Variants in ADAMTS16 observed in about 807,000 individuals in gnomAD.
ADAMTS16 encodes ADAM metallopeptidase with thrombospondin type 1 motif 16, also known as A disintegrin and metalloproteinase with thrombospondin motifs 16.
ADAMTS16 carries 94 observed loss-of-function variants against 145.8 expected under a neutral mutation model. The observed-to-expected ratio is 0.64, with a 90% CI of 0.55 to 0.77. The LOEUF (loss-of-function observed/expected upper bound fraction) is 0.77. Ranked by LOEUF, ADAMTS16 falls within the 30% of genes least tolerant of loss-of-function variation. ADAMTS16 has a pLI of 0.00. For missense variants in ADAMTS16, 1,585 were observed against 1,591.5 expected, an observed-to-expected ratio of 1.00 and a Z score of 0.07; for synonymous variants, 659 against 604.3, an observed-to-expected ratio of 1.09 and a Z score of -1.33.
At chr5:5,166,914 G>A (rs1271645443) in intron 3 of ADAMTS16, among the ~76,000 whole-genome samples, 1 of 152,136 alleles carries the variant, frequency 6.6e-6, no homozygotes, top group Non-Finnish European at 1.5e-5. Context: ...CTGGGCCCAC[G>A]GCCTTCCCTC....
At chr5:5,188,090 A>G (rs1382483211) in intron 6 of ADAMTS16, among the ~76,000 whole-genome samples, 1 of 152,174 alleles carries the variant, frequency 6.6e-6, no homozygotes, top group African/African-American at 2.4e-5. Context: ...GGTGGGACAC[A>G]CACTAGGAAT....
At chr5:5,299,514 ATT>A (rs11290403) in intron 18 of ADAMTS16, among the ~76,000 whole-genome samples, 29,529 of 151,794 alleles carry the variant, frequency 0.19, 3,062 homozygotes, top group South Asian at 0.29. Context: ...TGTCATTTTA[ATT>A]TTTTTTTTAA....
intron 18 of ADAMTS16, among the ~76,000 whole-genome samples, chr5:5,286,437 G>GT (rs1274867159): frequency 6.6e-6 from 1 of 152,150 alleles, no homozygotes; most frequent in Non-Finnish European, 1.5e-5. Flanking sequence ...CATTTGATAA[G>GT]TTTTGTGATG....
rs10035259 is a variant in ADAMTS16 at position 5,167,096 on chromosome 5, G to T, written c.502-14948G>T. Among the ~76,000 whole-genome samples the T allele has an allele frequency of 3.4e-3, 518 of 152,062 alleles. 3 individuals are homozygous for T. The highest frequency in any genetic ancestry group is 0.012 in the African/African-American group (497 of 41,488). On this transcript the variant is annotated intron_variant, in intron 3 of 22. Coordinates refer to ENST00000274181, the MANE Select transcript of ADAMTS16 (RefSeq NM_139056.4). ...ATTTCTCTTCTTCTTTTTTTGTACTGCTCATTACCTGTTAACTTCTTATGC... is the reference window on the plus strand; with the variant it reads ...ATTTCTCTTCTTCTTTTTTTGTACTTCTCATTACCTGTTAACTTCTTATGC...
intron 2 of ADAMTS16, among the ~76,000 whole-genome samples, chr5:5,145,844 T>A (rs1354987353): frequency 6.6e-6 from 1 of 152,066 alleles, no homozygotes; most frequent in Non-Finnish European, 1.5e-5. Context: ...TGCCCCTGAG[T>A]GGCTGGGAGG....
chr5:5,262,391 G>T (rs77438769), intron 17 of ADAMTS16, among the ~76,000 whole-genome samples: 1 of 152,136 alleles, frequency 6.6e-6, no homozygotes, highest in Admixed American at 6.5e-5. Flanking sequence ...GACATCAATC[G>T]CAAAACAAAT....
intron 3 of ADAMTS16, among the ~76,000 whole-genome samples, chr5:5,163,289 C>T (rs1453723029): frequency 6.6e-6 from 1 of 152,038 alleles, no homozygotes; most frequent in Non-Finnish European, 1.5e-5. Flanking sequence ...TATTGGGTAA[C>T]CTGAGCATAA....
At chr5:5,219,916 C>A (rs1304555982) in intron 10 of ADAMTS16, among the ~76,000 whole-genome samples, 1 of 152,196 alleles carries the variant, frequency 6.6e-6, no homozygotes, top group African/African-American at 2.4e-5. Flanking sequence ...TAAGAATATT[C>A]TGAAGTTACT....
chr5:5,157,429 T>C (rs1048800206), intron 3 of ADAMTS16, among the ~76,000 whole-genome samples: 1 of 152,106 alleles, frequency 6.6e-6, no homozygotes, highest in Non-Finnish European at 1.5e-5. Flanking sequence ...AATCATATGC[T>C]GATCACTCCC....
In ADAMTS16 at chr5:5,186,270, T is replaced by A. The variant is rs747870294; in HGVS notation, c.963+19T>A. On this transcript the variant is annotated intron_variant, in intron 5 of 22. Transcript: ENST00000274181. ...CAACATGGTAGGATCATCCTTCCAG[T>A]TGAGGCCACCTGTGTCATTGCACTT... The A allele has an allele frequency of 7.5e-6, 12 of 1,609,592 alleles. No homozygotes were observed. Among genetic ancestry groups the A allele is most frequent in the Non-Finnish European group, 9.3e-6 (11 of 1,178,366 alleles).
chr5:5,303,178 A>G (rs1214612075), intron 18 of ADAMTS16, 90 bp from the exon 19 acceptor site: 1 of 1,343,986 alleles, frequency 7.4e-7, no homozygotes, highest in Non-Finnish European at 9.9e-7. Context: ...TGGCTGGGAA[A>G]TCGCGCCGCT....
chr5:5,303,671 AC>A lies in ADAMTS16; in HGVS notation c.3093del (p.Ser1032ProfsTer34), dbSNP rs768374176. On this transcript the variant is annotated frameshift_variant, in exon 20 of 23. Coordinates refer to ENST00000274181, the MANE Select transcript of ADAMTS16 (RefSeq NM_139056.4). LOFTEE classifies it high-confidence loss of function. The stretch of plus-strand genomic sequence containing the variant: ...GCAGCTGCTGCCCGACGCTGTCTGC[AC>A]CTCCGAGCCCAAGCCCAGGATGCAT... ...RAQLLPDAVC[T>X]SEPKPRMHEA... The A allele has an allele frequency of 6.2e-7, 1 of 1,613,654 alleles. No individual in the cohort carries two copies. Among genetic ancestry groups the A allele is most frequent in the African/African-American group, 1.3e-5 (1 of 74,912 alleles).
intron 18 of ADAMTS16, among the ~76,000 whole-genome samples, chr5:5,290,892 G>A (rs961946148): frequency 1.3e-5 from 2 of 152,070 alleles, no homozygotes; most frequent in East Asian, 1.9e-4. Context: ...CTCCCCAGAC[G>A]AGGTGGAGAA....
At chr5:5,191,535 C>T (rs569813943) in intron 7 of ADAMTS16, 150 bp from the exon 8 acceptor site, 15 of 598,652 alleles carry the variant, frequency 2.5e-5, no homozygotes, top group African/African-American at 2.3e-4. Flanking sequence ...TTATCAAGTC[C>T]CCTTTATACG....
chr5:5,168,352 C>CATTATTATTATTATTATTATT (rs70965930), intron 3 of ADAMTS16, among the ~76,000 whole-genome samples: 8 of 139,802 alleles, frequency 5.7e-5, no homozygotes, highest in African/African-American at 2.1e-4. Flanking sequence ...TTATCCGAAA[C>CATTATTATTATTATTATTATT]ATTATTATTA....
rs1734587318 is a variant in ADAMTS16 at position 5,155,813 on chromosome 5, A to G, written c.501+9358A>G. On this transcript the variant is annotated intron_variant, in intron 3 of 22. Transcript: ENST00000274181. ...AAACAGGAAGTGAGGGAACAGACAGAAAGTCCACAGGAGCTGACAAGAAGT... is the reference window on the plus strand; with the variant it reads ...AAACAGGAAGTGAGGGAACAGACAGGAAGTCCACAGGAGCTGACAAGAAGT... Among the ~76,000 whole-genome samples the G allele has an allele frequency of 1.3e-5, 2 of 152,104 alleles. 1 individual carries two copies. Among genetic ancestry groups the G allele is most frequent in the South Asian group, 4.2e-4 (2 of 4,808 alleles).
At chr5:5,168,179 C>A (rs1283202083) in intron 3 of ADAMTS16, among the ~76,000 whole-genome samples, 1 of 152,026 alleles carries the variant, frequency 6.6e-6, no homozygotes, top group Non-Finnish European at 1.5e-5. Context: ...AAAGTTCCAT[C>A]ACTTATTTTA....
intron 17 of ADAMTS16, among the ~76,000 whole-genome samples, chr5:5,258,950 C>T (rs1388904184): frequency 6.6e-6 from 1 of 152,014 alleles, no homozygotes; most frequent in Non-Finnish European, 1.5e-5. Flanking sequence ...AAAACAGAAG[C>T]TGATCCAGAA....
intron 18 of ADAMTS16, among the ~76,000 whole-genome samples, chr5:5,296,599 A>AG (rs141577540): frequency 0.023 from 3,431 of 152,196 alleles, 123 homozygotes; most frequent in African/African-American, 0.079. Context: ...CCAGGCCCCC[A>AG]GGCTTTGCAC....
Sources: gnomAD v4.1 joint callset for allele counts (sites outside exome capture counted in the v4.1 genomes callset) on GRCh38, gnomAD v4.1.1 for gene constraint, MANE v1.5 for transcripts, NCBI Gene and HGNC (gene_info 2026-07-23, HGNC 2026-07-21) for gene names.